The following PEAK1 variants were observed in gnomAD, a reference collection of about 807,000 sequenced individuals.
PEAK1 encodes the protein inactive tyrosine-protein kinase PEAK1.
A neutral mutation model predicts 124.7 loss-of-function variants in PEAK1; 54 were observed. The ratio of observed to expected loss-of-function variants is 0.43; its 90% CI spans 0.35 to 0.54. PEAK1 has a LOEUF of 0.54. Ranked by LOEUF, PEAK1 falls within the 20% of genes least tolerant of loss-of-function variation. The pLI, the probability that PEAK1 is intolerant of heterozygous loss-of-function variation, is 0.01. For missense variants in PEAK1, 2,046 were observed against 2,134.5 expected (o/e 0.96, Z 0.82); for synonymous variants, 719 against 760.0 (o/e 0.95, Z 0.89).
intron 2 of PEAK1, chr15:77,348,556 G>A (rs1467835642): frequency 5.0e-5 from 48 of 966,712 alleles, no homozygotes; most frequent in Non-Finnish European, 5.7e-5. Context: ...AGCTTGGCAA[G>A]CTTAAGTGAC....
Position 77,181,697 on chromosome 15 carries a change from A to G in PEAK1, c.230T>C (p.Met77Thr). 6.2e-7 allele frequency: 1 copy of G among 1,614,038 alleles called. No homozygotes were observed. The highest frequency in any genetic ancestry group is 8.5e-7 in the Non-Finnish European group (1 of 1,179,996). Residue 77 changes from methionine (M) to threonine (T), a missense_variant, in exon 7 of 10, where the codon ATG becomes ACG. Coordinates refer to ENST00000682557, the MANE Select transcript of PEAK1 (RefSeq NM_001385026.1). ...TATACTTTGCCCATCTGCCACTATC[A>G]TAGTGGGCTTCACAGCTATAGTGGG... ...KKPTIAVKPT[M>T]IVADGQSICG...
chr15:77,129,739 C>G (rs2052698548), intron 9 of PEAK1, among the ~76,000 whole-genome samples: 1 of 152,232 alleles, frequency 6.6e-6, no homozygotes, highest in Non-Finnish European at 1.5e-5. Flanking sequence ...AGCCACCACG[C>G]CCAGTCTACC....
At chr15:77,191,849 G>T (rs187455145) in intron 6 of PEAK1, among the ~76,000 whole-genome samples, 7 of 152,218 alleles carry the variant, frequency 4.6e-5, no homozygotes, top group African/African-American at 1.7e-4. Context: ...TAACAAGCAG[G>T]GGCTGATGTG....
intron 6 of PEAK1, among the ~76,000 whole-genome samples, chr15:77,189,930 A>G (rs2057748798): frequency 6.6e-6 from 1 of 152,234 alleles, no homozygotes. Context: ...ATAAGGGCAG[A>G]GCAAAATTCA....
At chr15:77,353,147 G>A (rs868517682) in intron 2 of PEAK1, among the ~76,000 whole-genome samples, 3 of 152,116 alleles carry the variant, frequency 2.0e-5, no homozygotes, top group South Asian at 4.1e-4. Context: ...GAAACTCCTC[G>A]GCTATTCTGT....
At chr15:77,246,571 T>C (rs892264970) in intron 6 of PEAK1, among the ~76,000 whole-genome samples, 2 of 152,144 alleles carry the variant, frequency 1.3e-5, no homozygotes, top group Non-Finnish European at 2.9e-5. Context: ...AATATCTCTT[T>C]ACTGGGATTT....
intron 1 of PEAK1, among the ~76,000 whole-genome samples, chr15:77,374,081 T>G (rs1467111489): frequency 6.6e-6 from 1 of 152,214 alleles, no homozygotes; most frequent in African/African-American, 2.4e-5. Context: ...TAAATAAAGT[T>G]TAAAAGCAAA....
chr15:77,274,569 T>C (rs1412485060), intron 5 of PEAK1, among the ~76,000 whole-genome samples: 1 of 151,850 alleles, frequency 6.6e-6, no homozygotes, highest in Non-Finnish European at 1.5e-5. Flanking sequence ...GATACTACCT[T>C]ACTCCTGCAA....
At chr15:77,403,612 T>C in intron 1 of PEAK1, 1 of 917,212 alleles carries the variant, frequency 1.1e-6, no homozygotes, top group Non-Finnish European at 1.3e-6. Context: ...TCATATATCA[T>C]ACCCTATACT....
chr15:77,139,886 G>A (rs1220873907), intron 8 of PEAK1, among the ~76,000 whole-genome samples: 1 of 151,962 alleles, frequency 6.6e-6, no homozygotes, highest in Non-Finnish European at 1.5e-5. Context: ...GAGCAAGAGA[G>A]TAAGAGAAGA....
chr15:77,371,534 C>T (rs1329365696), intron 1 of PEAK1: 11 of 316,112 alleles, frequency 3.5e-5, no homozygotes, highest in Non-Finnish European at 4.8e-5. Context: ...ACCACCACCA[C>T]CACCATCATC....
chr15:77,331,107 T>A, intron 2 of PEAK1: 3 of 643,864 alleles, frequency 4.7e-6, no homozygotes, highest in Non-Finnish European at 5.8e-6. Context: ...ATCAATTTTC[T>A]ATTTTATTAT....
At chr15:77,132,902 T>C in intron 9 of PEAK1, 103 bp downstream of exon 9, 1 of 1,186,722 alleles carries the variant, frequency 8.4e-7, no homozygotes, top group Middle Eastern at 2.5e-4. Context: ...AATAATTTGC[T>C]GAATGGAAGA....
rs115275487 is a variant in PEAK1 at position 77,397,032 on chromosome 15, C to A, written c.-666+22974G>T. The stretch of plus-strand genomic sequence containing the variant: ...ACATTCTTCTCCTCAGCACATGGAT[C>A]ATTCTCAAGGATAGGTCATATGTTA... On this transcript the variant is annotated intron_variant, in intron 1 of 9. Coordinates refer to ENST00000682557, the MANE Select transcript of PEAK1 (RefSeq NM_001385026.1). 7.3e-3 allele frequency among the ~76,000 whole-genome samples: 1,104 copies of A among 152,272 alleles called. 15 individuals are homozygous for A. Among genetic ancestry groups the A allele is most frequent in the African/African-American group, 0.025 (1,048 of 41,560 alleles).
intron 6 of PEAK1, among the ~76,000 whole-genome samples, chr15:77,238,510 G>A (rs1419187058): frequency 6.6e-6 from 1 of 151,900 alleles, no homozygotes; most frequent in Admixed American, 6.6e-5. Flanking sequence ...CTTATCCCTT[G>A]GGCATTAGTT....
chr15:77,335,029 AGT>A lies in PEAK1; in HGVS notation c.-603+30132_-603+30133del, dbSNP rs2066112980. On this transcript the variant is annotated intron_variant, in intron 2 of 9. Coordinates refer to ENST00000682557, the MANE Select transcript of PEAK1 (RefSeq NM_001385026.1). ...CAGGAGGGTTGGTAGCTGGGAACTT[AGT>A]GACTAGGCCACCTATGTGGACAGGT... 3.0e-6 allele frequency: 3 copies of A among 985,314 alleles called. No individual in the cohort carries two copies. The Admixed American group carries it at 1.8e-4, about 61-fold the overall frequency. The allele number at this position is 985,314 out of a possible 1,614,324, so 61.0% of individuals were successfully genotyped here.
intron 2 of PEAK1, chr15:77,348,096 G>A (rs1370407054): frequency 6.2e-6 from 6 of 975,282 alleles, no homozygotes; most frequent in Middle Eastern, 5.3e-4. Context: ...TTCATCTAGA[G>A]AAAAAAAGAA....
downstream of PEAK1, chr15:77,105,355 T>TGCGCGCGC (rs1272599235): frequency 4.7e-4 from 37 of 78,650 alleles, no homozygotes; most frequent in African/African-American, 1.5e-3. Context: ...TGTGTGTGTG[T>TGCGCGCGC]GTGCGCGCGT....
At chr15:77,352,045 A>AC (rs1306739725) in intron 2 of PEAK1, 1 of 856,374 alleles carries the variant, frequency 1.2e-6, no homozygotes, top group Non-Finnish European at 1.4e-6. Flanking sequence ...ACATAAGGAG[A>AC]CCCCATCTCT....
Sources: gnomAD v4.1 joint callset for allele counts (sites outside exome capture counted in the v4.1 genomes callset) on GRCh38, gnomAD v4.1.1 for gene constraint, MANE v1.5 for transcripts, NCBI Gene and HGNC (gene_info 2026-07-23, HGNC 2026-07-21) for gene names.